Variants in MPP7 observed in about 807,000 individuals in gnomAD.
MPP7 encodes MAGUK p55 scaffold protein 7.
A neutral mutation model predicts 76.5 loss-of-function variants in MPP7; 60 were observed. That is an observed-to-expected ratio of 0.78 (90% CI 0.64 to 0.97). The LOEUF (loss-of-function observed/expected upper bound fraction) is 0.97, where lower values mean the gene tolerates loss of function less well. MPP7 is among the 50% of genes least tolerant of loss of function. The probability of loss-of-function intolerance (pLI) is 0.00; values close to 1 mark genes in which losing one functional copy is unlikely to be tolerated. For missense variants in MPP7, 641 were observed against 694.0 expected (o/e 0.92, Z 0.86); for synonymous variants, 237 against 244.5 (o/e 0.97, Z 0.29).
Position 28,147,534 on chromosome 10 carries a change from T to C in MPP7, c.264A>G (p.Leu88=), listed in dbSNP as rs1165825231. ...DLAEELQNKP[L]NSEIRELLKL... is the part of the protein sequence containing the mutation. ...TCAACAGCTCTCTGATCTCACTGTT[T>C]AATGGCTTGTTCTGAAGCTCTTCGG... is the stretch of plus-strand genomic sequence containing the variant. The change falls in exon 5 of 17, where the codon TTA becomes TTG. Residue 88 remains leucine, a synonymous_variant. Transcript: ENST00000683449. 6.2e-7 allele frequency: 1 copy of C among 1,614,116 alleles called. No individual in the cohort carries two copies. The highest frequency in any genetic ancestry group is 1.3e-5 in the African/African-American group (1 of 75,048).
chr10:28,064,996 C>G (rs1851935099), intron 13 of MPP7, among the ~76,000 whole-genome samples: 1 of 152,050 alleles, frequency 6.6e-6, no homozygotes, highest in South Asian at 2.1e-4. Context: ...TAGTATAATG[C>G]CCTGCTTTGG....
chr10:28,314,050 G>A (rs559663973), intron 2 of MPP7, among the ~76,000 whole-genome samples: 1 of 152,026 alleles, frequency 6.6e-6, no homozygotes, highest in East Asian at 1.9e-4. Context: ...GTTTAGAATG[G>A]CTGGCTCCTG....
chr10:28,229,386 T>C (rs1214740899), intron 2 of MPP7, among the ~76,000 whole-genome samples: 1 of 152,220 alleles, frequency 6.6e-6, no homozygotes, highest in Non-Finnish European at 1.5e-5. Flanking sequence ...TGGTAAAAAC[T>C]ACTTCCAAGA....
intron 12 of MPP7, among the ~76,000 whole-genome samples, chr10:28,078,289 A>G (rs1257361117): frequency 6.6e-6 from 1 of 152,192 alleles, no homozygotes; most frequent in Non-Finnish European, 1.5e-5. Flanking sequence ...TCAGGCTACA[A>G]AAAGTGGCAG....
intron 5 of MPP7, among the ~76,000 whole-genome samples, chr10:28,143,939 A>C (rs962879650): frequency 6.6e-6 from 1 of 151,104 alleles, no homozygotes; most frequent in Non-Finnish European, 1.5e-5. Context: ...GGCTAGAGTG[A>C]AGCGGCGTGA....
At chr10:28,223,059 G>A (rs572566178) in intron 2 of MPP7, among the ~76,000 whole-genome samples, 26 of 148,530 alleles carry the variant, frequency 1.8e-4, no homozygotes, top group African/African-American at 5.5e-4. Flanking sequence ...GCTTGAACCC[G>A]GGAGGCAGAG....
At chr10:28,211,315 C>A (rs781033559) in intron 2 of MPP7, among the ~76,000 whole-genome samples, 1 of 152,062 alleles carries the variant, frequency 6.6e-6, no homozygotes, top group African/African-American at 2.4e-5. Context: ...TAACGACTTA[C>A]AATCAGGGTA....
intron 6 of MPP7, among the ~76,000 whole-genome samples, chr10:28,129,020 A>C (rs1259030117): frequency 1.3e-5 from 2 of 152,174 alleles, no homozygotes; most frequent in Non-Finnish European, 2.9e-5. Context: ...TACAGACTTG[A>C]AGAATAATCT....
intron 12 of MPP7, among the ~76,000 whole-genome samples, chr10:28,083,518 A>T (rs1325793658): frequency 4.1e-5 from 6 of 147,766 alleles, no homozygotes; most frequent in Non-Finnish European, 8.9e-5. Flanking sequence ...CCATGCTTAC[A>T]TGATTTTCTT....
chr10:28,302,700 G>A (rs1422720979), intron 1 of MPP7, among the ~76,000 whole-genome samples, 161 bp downstream of exon 1: 1 of 150,002 alleles, frequency 6.7e-6, no homozygotes, highest in Non-Finnish European at 1.5e-5. Context: ...TGCCCGCCGC[G>A]GGCTCCCAGG....
intron 2 of MPP7, among the ~76,000 whole-genome samples, chr10:28,315,292 A>T (rs1834308267): frequency 7.3e-6 from 1 of 137,670 alleles, no homozygotes; most frequent in Non-Finnish European, 1.6e-5. Context: ...GGGGAGGGAG[A>T]GAGGGAGAAA....
At chr10:28,305,381 T>C (rs575413409), upstream of MPP7, 1 of 152,194 alleles carries the variant, frequency 6.6e-6, no homozygotes, top group Non-Finnish European at 1.5e-5. Flanking sequence ...ATCATTATTT[T>C]TTTTTTTCCT....
intron 1 of MPP7, among the ~76,000 whole-genome samples, chr10:28,240,737 C>G (rs992682465): frequency 2.6e-5 from 4 of 151,992 alleles, no homozygotes; most frequent in African/African-American, 9.7e-5. Flanking sequence ...AATTCAACTA[C>G]AGGAAAATGT....
At chr10:28,160,519 CATA>C (rs1195722177) in intron 3 of MPP7, among the ~76,000 whole-genome samples, 1 of 152,158 alleles carries the variant, frequency 6.6e-6, no homozygotes, top group African/African-American at 2.4e-5. Context: ...CAAACAACAT[CATA>C]ATATTATCAG....
At chr10:28,262,617 T>C (rs762272348) in intron 1 of MPP7, among the ~76,000 whole-genome samples, 2 of 152,170 alleles carry the variant, frequency 1.3e-5, no homozygotes, top group Non-Finnish European at 2.9e-5. Context: ...TATGGATCCT[T>C]TCTTTCCTAA....
chr10:28,120,283 G>C lies in MPP7; in HGVS notation c.798C>G (p.Ser266Arg). The C allele has an allele frequency of 6.2e-7, 1 of 1,613,944 alleles. No individual in the cohort carries two copies. Among genetic ancestry groups the C allele is most frequent in the Non-Finnish European group, 8.5e-7 (1 of 1,179,934 alleles). The stretch of plus-strand genomic sequence containing the variant: ...CTTGCCACCAAGTTGCATCATCTTG[G>C]CTCATAATCTGAAGAATATCTCCCT... ...FKKGDILQIM[S>R]QDDATWWQAK... Residue 266 changes from serine to arginine, a missense_variant, in exon 10 of 17, where the codon AGC (serine) becomes AGG (arginine). Coordinates refer to ENST00000683449, the MANE Select transcript of MPP7 (RefSeq NM_001318170.2).
rs541306017 is a variant in MPP7, at chr10:28,198,583, T to A, written c.156+3570A>T. On this transcript the variant is annotated intron_variant, in intron 3 of 16. Coordinates refer to ENST00000683449, the MANE Select transcript of MPP7 (RefSeq NM_001318170.2). ...GAGCAAAACTCTGTCTCAGAGAATT[T>A]AAAAAAAAAAAAAAGAAAGAAAGAA... Among the ~76,000 whole-genome samples, 287 of 145,340 alleles carry A rather than the reference T, an allele frequency of 2.0e-3. 2 individuals carry two copies. Among genetic ancestry groups the A allele is most frequent in the African/African-American group, 5.8e-3 (231 of 40,060 alleles).
intron 11 of MPP7, among the ~76,000 whole-genome samples, chr10:28,114,249 G>A (rs1243953071): frequency 6.6e-6 from 1 of 152,040 alleles, no homozygotes; most frequent in Non-Finnish European, 1.5e-5. Flanking sequence ...CATCTCTACA[G>A]AAAATTTTAA....
intron 12 of MPP7, among the ~76,000 whole-genome samples, chr10:28,077,785 C>A (rs768592123): frequency 1.8e-4 from 27 of 152,172 alleles, no homozygotes; most frequent in Non-Finnish European, 3.7e-4. Flanking sequence ...TCGTTTTCAG[C>A]TGAGCTTGCT....
Sources: gnomAD v4.1 joint callset for allele counts (sites outside exome capture counted in the v4.1 genomes callset) on GRCh38, gnomAD v4.1.1 for gene constraint, MANE v1.5 for transcripts, NCBI Gene and HGNC (gene_info 2026-07-23, HGNC 2026-07-21) for gene names.